Variants in PKHD1L1 observed in about 807,000 individuals in gnomAD.
The protein encoded by PKHD1L1 is fibrocystin-L.
In PKHD1L1, 434 loss-of-function variants were observed where a neutral mutation model predicts 462.9. The ratio of observed to expected loss-of-function variants is 0.94; its 90% CI spans 0.87 to 1.02. PKHD1L1 has a LOEUF of 1.02. PKHD1L1 is among the 50% of genes least tolerant of loss of function. The pLI is 0.00. For synonymous variants in PKHD1L1, 1,781 were observed against 1,750.0 expected, an observed-to-expected ratio of 1.02 and a Z score of -0.44; for missense variants, 5,202 against 5,096.1, an observed-to-expected ratio of 1.02 and a Z score of -0.63.
intron 3 of PKHD1L1, 39 bp downstream of exon 3, chr8:109,381,553 A>G (rs1563722019): frequency 7.0e-7 from 1 of 1,418,570 alleles, no homozygotes; most frequent in East Asian, 2.5e-5. Context: ...CATTTTCATC[A>G]TATCAGAAGT....
chr8:109,439,810 T>C (rs1478175228), intron 32 of PKHD1L1, among the ~76,000 whole-genome samples: 1 of 152,136 alleles, frequency 6.6e-6, no homozygotes, highest in Non-Finnish European at 1.5e-5. Flanking sequence ...ATTTTATGGA[T>C]GCAAAAAGGC....
chr8:109,465,987 A>G (rs1817421433), intron 49 of PKHD1L1, among the ~76,000 whole-genome samples: 1 of 152,210 alleles, frequency 6.6e-6, no homozygotes, highest in Admixed American at 6.5e-5. Flanking sequence ...ATACTTTGTG[A>G]GTCAATCGAC....
At position 109,438,340 on chromosome 8, in the gene PKHD1L1, T is replaced by C. The variant is rs1409539172; in HGVS notation, c.3644T>C (p.Val1215Ala). The C allele has an allele frequency of 6.6e-7, 1 of 1,521,656 alleles. No individual in the cohort carries two copies. The highest frequency in any genetic ancestry group is 2.5e-5 in the East Asian group (1 of 40,494). 94.3% of individuals were successfully genotyped at this position (1,521,656 alleles called of 1,614,324 possible). A position where few individuals can be genotyped will look rare whatever the true frequency, so the allele number is the denominator to read the frequency against. The change falls in exon 31 of 78, where the codon GTT becomes GCT. Residue 1215 changes from valine to alanine, a missense_variant. Val to Ala is a moderately conservative substitution (Grantham distance 64). Around this residue, in one of 3 missense-constraint regions of PKHD1L1, gnomAD observed 4,497 missense variants for 4,336.8 expected, o/e 1.04. Transcript: ENST00000378402. The stretch of plus-strand genomic sequence containing the variant: ...TTATTTTAGAAAACTGAGGGTACAG[T>C]TGATATTTCAGTTACTACCAATGGA... ...CRTPKKTEGT[V>A]DISVTTNGFQ...
At chr8:109,379,776 A>G (rs1226678203) in intron 2 of PKHD1L1, among the ~76,000 whole-genome samples, 1 of 152,220 alleles carries the variant, frequency 6.6e-6, no homozygotes, top group Non-Finnish European at 1.5e-5. Context: ...CACTGAACTG[A>G]AACTACCACC....
At position 109,486,114 on chromosome 8, in the gene PKHD1L1, G is replaced by T. The variant is rs147212465; in HGVS notation, c.9707-534G>T. Among the ~76,000 whole-genome samples, 513 of 152,064 alleles carry T rather than the reference G, an allele frequency of 3.4e-3. 4 individuals carry two copies. Among genetic ancestry groups the T allele is most frequent in the African/African-American group, 0.012 (497 of 41,536 alleles). ...TTTTACAAATTGTTAAGATGTAAATGTACAGATGGTGTTGGATATGCTACT... is the reference window on the plus strand; with the variant it reads ...TTTTACAAATTGTTAAGATGTAAATTTACAGATGGTGTTGGATATGCTACT... On this transcript the variant is annotated intron_variant, in intron 58 of 77. Transcript: ENST00000378402.
chr8:109,393,067 C>T (rs1812787773), intron 9 of PKHD1L1, among the ~76,000 whole-genome samples: 1 of 152,178 alleles, frequency 6.6e-6, no homozygotes, highest in Non-Finnish European at 1.5e-5. Flanking sequence ...TTTTGAGATG[C>T]AGGATCTGAC....
rs557665392 is a variant in PKHD1L1, at chr8:109,443,699, G to A, written c.4588G>A (p.Gly1530Arg). The change falls in exon 37 of 78, where the codon GGA becomes AGA. Residue 1530 changes from glycine to arginine, a missense_variant. Gly to Arg is a moderately radical substitution (Grantham distance 125, BLOSUM62 -2). Transcript: ENST00000378402. ...AYGGPENLHLGSSVAGCLATE... is the reference protein window; with the variant it reads ...AYGGPENLHLRSSVAGCLATE... ...AGGAGGACCTGAGAATTTGCACTTG[G>A]GAAGCTCTGTGGCAGGCTGCCTAGC... 6 of 1,612,744 alleles carry A rather than the reference G, an allele frequency of 3.7e-6. No homozygotes were observed. The South Asian group carries it at 6.6e-5, about 18-fold the overall frequency.
At chr8:109,370,510 A>ATTT (rs987821287) in intron 2 of PKHD1L1, among the ~76,000 whole-genome samples, 1 of 150,702 alleles carries the variant, frequency 6.6e-6, no homozygotes, top group African/African-American at 2.4e-5. Context: ...TATTTTTTTA[A>ATTT]TTTTATTATT....
chr8:109,406,385 G>T lies in PKHD1L1; in HGVS notation c.1720G>T (p.Asp574Tyr), dbSNP rs763077597. The change falls in exon 17 of 78, where the codon GAC becomes TAC. Residue 574 changes from aspartate (D) to tyrosine (Y), a missense_variant. Coordinates refer to ENST00000378402, the MANE Select transcript of PKHD1L1 (RefSeq NM_177531.6). Reference sequence around the variant, plus strand: ...ATTCATACTGCAATCAGCCTTGAATGACCTCTGGTCTATAAAACCGGACAC... The same window carrying T: ...ATTCATACTGCAATCAGCCTTGAATTACCTCTGGTCTATAAAACCGGACAC... Reference protein sequence around the residue: ...SEFILQSALNDLWSIKPDTVQ... With the variant: ...SEFILQSALNYLWSIKPDTVQ... 1.2e-5 allele frequency: 19 copies of T among 1,567,548 alleles called. No homozygotes were observed. Among genetic ancestry groups the T allele is most frequent in the Non-Finnish European group, 1.6e-5 (19 of 1,155,056 alleles).
rs1346510437 is a variant in PKHD1L1, at chr8:109,531,712, CA to C, written c.*1625del. Among the ~76,000 whole-genome samples the C allele has an allele frequency of 1.3e-5, 2 of 152,164 alleles. No homozygotes were observed. The highest frequency in any genetic ancestry group is 6.5e-5 in the Admixed American group (1 of 15,282). On this transcript the variant is annotated 3_prime_UTR_variant, in exon 78 of 78. Transcript: ENST00000378402. ...AAGAGGTCCCTGACAAGGTAGTCTT[CA>C]AAGTATACATGAAAGCCCCTTCATG...
At chr8:109,489,068 G>A (rs375750846) in intron 59 of PKHD1L1, among the ~76,000 whole-genome samples, 1 of 151,918 alleles carries the variant, frequency 6.6e-6, no homozygotes. Context: ...CAGGTGGCTT[G>A]TAGTAATCAT....
rs114884659 is a variant in PKHD1L1 at position 109,363,127 on chromosome 8, G to A, written c.73+474G>A. On this transcript the variant is annotated intron_variant, in intron 1 of 77. Transcript: ENST00000378402. ...TCATTTCCAGGGGCAGCTGCCCTGT[G>A]TTTTCAAAGTAATACCCAGAAGAGG... 3.9e-3 allele frequency among the ~76,000 whole-genome samples: 600 copies of A among 152,286 alleles called. 3 individuals are homozygous for A. The highest frequency in any genetic ancestry group is 0.014 in the African/African-American group (584 of 41,554).
At position 109,410,726 on chromosome 8, in the gene PKHD1L1, C is replaced by CTTTTTTTTTTTTTTTTTTT. The variant is rs71303459; in HGVS notation, c.2085+751_2085+769dup. ...TTCTTTTTTCTTTTCTTTTCTTTTT[C>CTTTTTTTTTTTTTTTTTTT]TTTTTTTTTTTTTTTTTTTTTGAGA... On this transcript the variant is annotated intron_variant, in intron 19 of 77. Transcript: ENST00000378402. 3.9e-4 allele frequency among the ~76,000 whole-genome samples: 27 copies of CTTTTTTTTTTTTTTTTTTT among 68,390 alleles called. 4 individuals are homozygous for CTTTTTTTTTTTTTTTTTTT. Among genetic ancestry groups the CTTTTTTTTTTTTTTTTTTT allele is most frequent in the African/African-American group, 1.8e-3 (22 of 12,266 alleles). The allele number at this position is 68,390 out of a possible 152,430, so 44.9% of individuals were successfully genotyped here. A position where few individuals can be genotyped will look rare whatever the true frequency, so the allele number is the denominator to read the frequency against.
intron 70 of PKHD1L1, 108 bp from the exon 71 acceptor site, chr8:109,510,669 A>G (rs531131306): frequency 1.5e-5 from 21 of 1,374,688 alleles, no homozygotes; most frequent in South Asian, 7.4e-5. Context: ...CTGAACTTGC[A>G]TTTGAACTTG....
intron 25 of PKHD1L1, among the ~76,000 whole-genome samples, chr8:109,428,023 CAAAAAAAAAAA>C (rs55963339): frequency 5.7e-5 from 4 of 70,248 alleles, no homozygotes; most frequent in Admixed American, 4.0e-4. Context: ...AACTCCGTCT[CAAAAAAAAAAA>C]AAAAAAAAAA....
chr8:109,435,452 C>T lies in PKHD1L1; in HGVS notation c.3505+98C>T, dbSNP rs1815354536. On this transcript the variant is annotated intron_variant, in intron 29 of 77. Transcript: ENST00000378402. ...AGGGTGAAGGGAGAGGATCCCAAAG[C>T]TTCCTCTTATAGAACAAAGGAAAGT... 3.9e-6 allele frequency: 5 copies of T among 1,296,050 alleles called. No homozygotes were observed. In the Admixed American group the frequency reaches 1.2e-4, roughly 30 times the overall value. 80.3% of individuals were successfully genotyped at this position (1,296,050 alleles called of 1,614,324 possible).
rs563446165 is a variant in PKHD1L1, at chr8:109,470,242, G to T, written c.8605+3473G>T. ...TACTGAGCCTTGTTGGAAATACTCA[G>T]ATCATCATGAAAACAAATACTGTGA... On this transcript the variant is annotated intron_variant, in intron 50 of 77. Transcript: ENST00000378402. 1.8e-5 allele frequency: 24 copies of T among 1,341,738 alleles called. No individual in the cohort carries two copies. The East Asian group carries it at 5.3e-4, about 30-fold the overall frequency. 83.1% of individuals were successfully genotyped at this position (1,341,738 alleles called of 1,614,324 possible).
intron 1 of PKHD1L1, 66 bp from the exon 2 acceptor site, chr8:109,364,481 A>G (rs1811129437): frequency 8.8e-6 from 10 of 1,132,382 alleles, no homozygotes; most frequent in Non-Finnish European, 1.3e-5. Context: ...TATGTGTTAC[A>G]AATTTTGATG....
At chr8:109,436,912 A>G (rs919969435) in intron 30 of PKHD1L1, among the ~76,000 whole-genome samples, 6 of 152,282 alleles carry the variant, frequency 3.9e-5, no homozygotes, top group South Asian at 2.1e-4. Flanking sequence ...ATAGTTTTCA[A>G]AAAGGAATAC....
Sources: gnomAD v4.1 joint callset for allele counts (sites outside exome capture counted in the v4.1 genomes callset) on GRCh38, gnomAD v4.1.1 for gene constraint, gnomAD v4.1.1 regional missense constraint, MANE v1.5 for transcripts, NCBI Gene and HGNC (gene_info 2026-07-23, HGNC 2026-07-21) for gene names.